Variants in DSCC1 observed in about 807,000 individuals in gnomAD.
DSCC1 encodes sister chromatid cohesion protein DCC1.
In DSCC1, 32 loss-of-function variants were observed where a neutral mutation model predicts 48.2. That is an observed-to-expected ratio of 0.66 (90% confidence interval 0.50 to 0.89). DSCC1 has a LOEUF of 0.89. DSCC1 is among the 40% of genes least tolerant of loss of function. The pLI, the probability that DSCC1 is intolerant of heterozygous loss-of-function variation, is 0.00. For synonymous variants in DSCC1, 150 were observed against 171.5 expected, an observed-to-expected ratio of 0.87 and a Z score of 0.98; for missense variants, 421 against 471.7, an observed-to-expected ratio of 0.89 and a Z score of 1.00.
intron 7 of DSCC1, 87 bp downstream of exon 7, chr8:119,841,707 G>A (rs1055666293): frequency 6.8e-7 from 1 of 1,461,388 alleles, no homozygotes; most frequent in Non-Finnish European, 9.3e-7. Flanking sequence ...AAAAGAAATT[G>A]GTTCCAAATT....
At chr8:119,838,430 G>T in intron 7 of DSCC1, 23 bp from the exon 8 acceptor site, 1 of 1,534,468 alleles carries the variant, frequency 6.5e-7, no homozygotes, top group South Asian at 1.3e-5. Context: ...AGAAGAAACA[G>T]AGCAGTTAAA....
chr8:119,845,259 T>C (rs1461663399), intron 4 of DSCC1, among the ~76,000 whole-genome samples: 2 of 151,898 alleles, frequency 1.3e-5, no homozygotes, highest in Non-Finnish European at 2.9e-5. Context: ...CCAAGTTTTT[T>C]GTATTTTTAC....
At chr8:119,836,242 G>A (rs1256395604) in intron 8 of DSCC1, among the ~76,000 whole-genome samples, 4 of 152,310 alleles carry the variant, frequency 2.6e-5, no homozygotes, top group East Asian at 3.9e-4. Context: ...AAACTCGGGA[G>A]GCAAATGTTG....
intron 7 of DSCC1, among the ~76,000 whole-genome samples, chr8:119,840,547 G>A (rs1826752039): frequency 6.6e-6 from 1 of 152,228 alleles, no homozygotes; most frequent in Non-Finnish European, 1.5e-5. Flanking sequence ...CTATGAAGGT[G>A]ATCCTGAAGG....
chr8:119,848,196 G>A (rs1826890168), intron 3 of DSCC1, among the ~76,000 whole-genome samples: 1 of 152,066 alleles, frequency 6.6e-6, no homozygotes, highest in Non-Finnish European at 1.5e-5. Context: ...CTCCTGGACT[G>A]AAGCAATCCT....
chr8:119,849,407 CAAACAAAACA>C (rs757092085), intron 3 of DSCC1, among the ~76,000 whole-genome samples: 1 of 151,996 alleles, frequency 6.6e-6, no homozygotes, highest in Admixed American at 6.6e-5. Flanking sequence ...ACTCCGTCTG[CAAACAAAACA>C]AAACAAAACA....
intron 2 of DSCC1, among the ~76,000 whole-genome samples, chr8:119,851,960 A>G (rs1468719708): frequency 6.6e-6 from 1 of 152,216 alleles, no homozygotes; most frequent in East Asian, 1.9e-4. Flanking sequence ...CTTTTTTACA[A>G]TAGGATGAAC....
rs1444733388 is a variant in DSCC1, at chr8:119,838,381, C to T, written c.951G>A (p.Ser317=). 1.9e-6 allele frequency: 3 copies of T among 1,605,468 alleles called. No individual in the cohort carries two copies. Among genetic ancestry groups the T allele is most frequent in the South Asian group, 1.1e-5 (1 of 88,118 alleles). ...LKGLALVDRH[S]RPEIIFLLKV... is the part of the protein sequence containing the mutation. ...TCAGCAAAAATATGATTTCTGGTCT[C>T]GAGTGTCTATCCACCAGCGCTAAAC... Residue 317 remains serine, a synonymous_variant, in exon 8 of 9, where the codon TCG becomes TCA. Transcript: ENST00000313655.
intron 8 of DSCC1, 42 bp downstream of exon 8, chr8:119,838,217 A>G: frequency 6.6e-7 from 1 of 1,507,108 alleles, no homozygotes; most frequent in Non-Finnish European, 8.8e-7. Context: ...ATTGACTATA[A>G]AAAGAACGAC....
At chr8:119,853,236 AATAT>A in intron 1 of DSCC1, 21 bp from the exon 2 acceptor site, 1 of 1,592,616 alleles carries the variant, frequency 6.3e-7, no homozygotes, top group African/African-American at 1.3e-5. Flanking sequence ...ATGGGGGAAA[AATAT>A]ATAGTTTATT....
chr8:119,855,891 G>T lies in DSCC1; in HGVS notation c.-96C>A. 1 of 1,349,316 alleles carries T rather than the reference G, an allele frequency of 7.4e-7. No homozygotes were observed. The highest frequency in any genetic ancestry group is 9.6e-7 in the Non-Finnish European group (1 of 1,046,636). The allele number at this position is 1,349,316 out of a possible 1,614,324, so 83.6% of individuals were successfully genotyped here. On this transcript the variant is annotated 5_prime_UTR_variant, in exon 1 of 9. Transcript: ENST00000313655. ...CAAGCAGCCGGAAGGTAGGAAACCTGAGCGTTTGAAAGCGCGCCAAGGCGG... is the reference window on the plus strand; with the variant it reads ...CAAGCAGCCGGAAGGTAGGAAACCTTAGCGTTTGAAAGCGCGCCAAGGCGG...
Position 119,843,689 on chromosome 8 carries a change from C to G in DSCC1, c.636G>C (p.Gln212His). ...YEMKLLNHVTQLVDSESWSFG... is the reference protein window; with the variant it reads ...YEMKLLNHVTHLVDSESWSFG... Reference sequence around the variant, plus strand: ...AAGACCATGATTCAGAATCCACAAGCTGAGTTACATGATTCAGAAGTTTCA... The same window carrying G: ...AAGACCATGATTCAGAATCCACAAGGTGAGTTACATGATTCAGAAGTTTCA... Residue 212 changes from glutamine (Q) to histidine (H), a missense_variant, in exon 5 of 9, where the codon CAG becomes CAC. Coordinates refer to ENST00000313655, the MANE Select transcript of DSCC1 (RefSeq NM_024094.3). The G allele has an allele frequency of 1.2e-6, 2 of 1,614,096 alleles. No homozygotes were observed. The highest frequency in any genetic ancestry group is 8.5e-7 in the Non-Finnish European group (1 of 1,180,020).
intron 8 of DSCC1, among the ~76,000 whole-genome samples, chr8:119,835,287 A>C (rs533003828): frequency 6.6e-6 from 1 of 152,306 alleles, no homozygotes; most frequent in South Asian, 2.1e-4. Flanking sequence ...TGGGCAGATC[A>C]CAAGGTCAGG....
intron 8 of DSCC1, among the ~76,000 whole-genome samples, chr8:119,836,020 A>G (rs1826675794): frequency 6.6e-6 from 1 of 152,222 alleles, no homozygotes. Context: ...TAAGTTTTAA[A>G]TAATGGAGGT....
chr8:119,839,953 C>T (rs909964048), intron 7 of DSCC1: 2 of 152,190 alleles, frequency 1.3e-5, no homozygotes, highest in African/African-American at 2.4e-5. Context: ...CTCATAACAT[C>T]GTGTGCATGC....
intron 1 of DSCC1, among the ~76,000 whole-genome samples, chr8:119,853,662 C>T (rs1234377821): frequency 6.6e-6 from 1 of 152,040 alleles, no homozygotes; most frequent in East Asian, 1.9e-4. Flanking sequence ...AGGATGGGAC[C>T]CAGGGTCCCG....
Position 119,843,633 on chromosome 8 carries a change from T to G in DSCC1, c.692A>C (p.Gln231Pro). Reference sequence around the variant, plus strand: ...CTCTGGCTCCAATGGTCCGAGTTCCTGAAGGCATGTGTTCAAAGGAACTTT... The same window carrying G: ...CTCTGGCTCCAATGGTCCGAGTTCCGGAAGGCATGTGTTCAAAGGAACTTT... ...FGKVPLNTCL[Q>P]ELGPLEPEEM... The change falls in exon 5 of 9, where the codon CAG becomes CCG. Residue 231 changes from glutamine to proline, a missense_variant. Around this residue, in one of 3 missense-constraint regions of DSCC1, gnomAD observed 238 missense variants for 259.0 expected, o/e 0.92. Transcript: ENST00000313655. 6.2e-7 allele frequency: 1 copy of G among 1,612,786 alleles called. No homozygotes were observed.
At chr8:119,839,120 G>C (rs578135660) in intron 7 of DSCC1, 1 of 151,976 alleles carries the variant, frequency 6.6e-6, no homozygotes, top group Admixed American at 6.6e-5. Context: ...TATTTTCCTC[G>C]TAACTTGATG....
intron 5 of DSCC1, among the ~76,000 whole-genome samples, chr8:119,843,389 A>G (rs1341356977): frequency 6.6e-6 from 1 of 152,154 alleles, no homozygotes; most frequent in Non-Finnish European, 1.5e-5. Flanking sequence ...CGCCCAGCCT[A>G]TTTCTTTATA....
Sources: allele counts gnomAD v4.1 joint callset (sites outside exome capture counted in the v4.1 genomes callset), GRCh38; gene constraint gnomAD v4.1.1; regional missense constraint gnomAD v4.1.1; transcripts MANE v1.5; gene names NCBI Gene and HGNC (gene_info 2026-07-23, HGNC 2026-07-21).